ATRNL1: variants seen among roughly 807,000 people sequenced by gnomAD.
The protein encoded by ATRNL1 is attractin like 1.
A neutral mutation model predicts 182.7 loss-of-function variants in ATRNL1; 95 were observed. That is an observed-to-expected ratio of 0.52 (90% confidence interval 0.44 to 0.62). The LOEUF (loss-of-function observed/expected upper bound fraction) is 0.62, where lower values mean the gene tolerates loss of function less well. ATRNL1 is among the 20% of genes least tolerant of loss of function. The pLI is 0.00. For missense variants in ATRNL1, 1,471 were observed against 1,679.5 expected (o/e 0.88, Z 2.17); for synonymous variants, 576 against 568.3 (o/e 1.01, Z -0.19).
chr10:115,548,694 G>A (rs1852801782), intron 25 of ATRNL1, among the ~76,000 whole-genome samples: 1 of 152,136 alleles, frequency 6.6e-6, no homozygotes. Context: ...ATTGCATATA[G>A]TACCTAATAT....
chr10:115,273,362 G>T (rs1049220186), intron 13 of ATRNL1, among the ~76,000 whole-genome samples: 5 of 152,100 alleles, frequency 3.3e-5, no homozygotes, highest in African/African-American at 9.7e-5. Context: ...AAACATTTAC[G>T]CTGGATACAA....
At chr10:115,208,211 T>C (rs1284534696) in intron 8 of ATRNL1, among the ~76,000 whole-genome samples, 2 of 152,092 alleles carry the variant, frequency 1.3e-5, no homozygotes, top group African/African-American at 2.4e-5. Context: ...TGTTATCATA[T>C]TCATGTTTTC....
Position 115,160,132 on chromosome 10 carries a change from C to A in ATRNL1, c.922C>A (p.His308Asn). The stretch of plus-strand genomic sequence containing the variant: ...CAGTCCTTCTGTAGGTCGGGCTTCA[C>A]ATAAAGCAGTTTTACACGGGAAATT... The part of the protein sequence containing the change: ...PFSPSVGRAS[H>N]KAVLHGKFMW... Residue 308 changes from histidine (H) to asparagine (N), a missense_variant, in exon 6 of 29, where the codon CAT becomes AAT. Coordinates refer to ENST00000355044, the MANE Select transcript of ATRNL1 (RefSeq NM_207303.4). The A allele has an allele frequency of 6.2e-7, 1 of 1,612,488 alleles. No individual in the cohort carries two copies.
intron 1 of ATRNL1, among the ~76,000 whole-genome samples, chr10:115,113,409 G>T (rs1272197272): frequency 2.0e-5 from 3 of 152,054 alleles, no homozygotes; most frequent in African/African-American, 7.2e-5. Context: ...TTTGAGTTTT[G>T]TTTGTTTGTT....
At chr10:115,600,200 A>G (rs1856516004) in intron 26 of ATRNL1, among the ~76,000 whole-genome samples, 1 of 147,534 alleles carries the variant, frequency 6.8e-6, no homozygotes, top group Non-Finnish European at 1.5e-5. Context: ...GTTCTATTCC[A>G]AAACTGTTAT....
chr10:115,442,465 G>C (rs1387106242), intron 21 of ATRNL1, among the ~76,000 whole-genome samples: 1 of 151,832 alleles, frequency 6.6e-6, no homozygotes, highest in Non-Finnish European at 1.5e-5. Flanking sequence ...CTCTGAACCT[G>C]TAATAGGGAT....
chr10:115,483,339 A>T (rs1256017618), intron 24 of ATRNL1, among the ~76,000 whole-genome samples: 4 of 151,466 alleles, frequency 2.6e-5, no homozygotes, highest in Admixed American at 6.6e-5. Flanking sequence ...AAGAGAGGGC[A>T]TCTTGACTGA....
At chr10:115,925,520 A>T (rs1555119849) in intron 28 of ATRNL1, among the ~76,000 whole-genome samples, 1 of 152,178 alleles carries the variant, frequency 6.6e-6, no homozygotes, top group African/African-American at 2.4e-5. Context: ...GACCCATCTC[A>T]TGTGCAAAGA....
intron 24 of ATRNL1, among the ~76,000 whole-genome samples, chr10:115,494,189 C>A (rs1249453924): frequency 6.6e-6 from 1 of 152,086 alleles, no homozygotes; most frequent in South Asian, 2.1e-4. Context: ...GATTTTGTAT[C>A]CTGAAACTTT....
chr10:115,597,471 A>G (rs539037800), intron 26 of ATRNL1: 24 of 333,416 alleles, frequency 7.2e-5, no homozygotes, highest in Non-Finnish European at 1.1e-4. Context: ...TAAAATGGCA[A>G]TCGAATACAA....
chr10:115,683,336 T>G (rs1565281806), intron 26 of ATRNL1, among the ~76,000 whole-genome samples: 4 of 151,974 alleles, frequency 2.6e-5, no homozygotes, highest in Admixed American at 6.6e-5. Flanking sequence ...TTATATAATT[T>G]TTATTATGAT....
chr10:115,803,972 C>T (rs187592617), intron 27 of ATRNL1, among the ~76,000 whole-genome samples: 105 of 152,158 alleles, frequency 6.9e-4, no homozygotes, highest in African/African-American at 1.9e-3. Context: ...TGTAAATGAA[C>T]GATTTTGACT....
intron 21 of ATRNL1, among the ~76,000 whole-genome samples, chr10:115,442,112 C>G (rs1554965845): frequency 1.3e-5 from 2 of 151,932 alleles, no homozygotes; most frequent in African/African-American, 4.8e-5. Context: ...AAAATCAGAC[C>G]ATCTCACTAC....
intron 1 of ATRNL1, among the ~76,000 whole-genome samples, chr10:115,115,682 A>G (rs893329438): frequency 6.6e-6 from 1 of 152,132 alleles, no homozygotes; most frequent in Non-Finnish European, 1.5e-5. Context: ...GGATCTGACT[A>G]TTCCTTGTAG....
intron 27 of ATRNL1, among the ~76,000 whole-genome samples, chr10:115,804,154 T>G (rs914599149): frequency 3.3e-5 from 5 of 152,162 alleles, no homozygotes; most frequent in Non-Finnish European, 7.4e-5. Flanking sequence ...GTAAAAAGTA[T>G]CCAGAACTTA....
At chr10:115,638,812 A>G (rs1467663744) in intron 26 of ATRNL1, among the ~76,000 whole-genome samples, 2 of 152,232 alleles carry the variant, frequency 1.3e-5, no homozygotes, top group Non-Finnish European at 2.9e-5. Context: ...GAGATGACAG[A>G]GAATTGAATC....
At chr10:115,649,134 C>T (rs1859823557) in intron 26 of ATRNL1, among the ~76,000 whole-genome samples, 1 of 152,032 alleles carries the variant, frequency 6.6e-6, no homozygotes, top group African/African-American at 2.4e-5. Context: ...TATAGTGACG[C>T]TTTGTTTTAT....
intron 1 of ATRNL1, among the ~76,000 whole-genome samples, chr10:115,109,692 C>G (rs1384586350): frequency 6.6e-6 from 1 of 152,128 alleles, no homozygotes; most frequent in Non-Finnish European, 1.5e-5. Flanking sequence ...TTTGCAATAT[C>G]TCTTTCCTCC....
chr10:115,694,630 A>T (rs1328230850), intron 26 of ATRNL1, among the ~76,000 whole-genome samples: 1 of 152,138 alleles, frequency 6.6e-6, no homozygotes, highest in Non-Finnish European at 1.5e-5. Flanking sequence ...GATAGTAAAT[A>T]AATGATATTT....
Sources: allele counts gnomAD v4.1 joint callset (sites outside exome capture counted in the v4.1 genomes callset), GRCh38; gene constraint gnomAD v4.1.1; transcripts MANE v1.5; gene names NCBI Gene and HGNC (gene_info 2026-07-23, HGNC 2026-07-21).